Variants in CBLL1 observed in about 807,000 individuals in gnomAD.
CBLL1 encodes the protein E3 ubiquitin-protein ligase Hakai.
Under a neutral mutation model 44.9 loss-of-function variants are expected in CBLL1, and 4 were observed. The observed-to-expected ratio is 0.09, with a 90% CI of 0.04 to 0.20. CBLL1 has a LOEUF of 0.20. CBLL1 is among the 10% of genes least tolerant of loss of function. The pLI is 1.00. For synonymous variants in CBLL1, 235 were observed against 202.2 expected, an observed-to-expected ratio of 1.16 and a Z score of -1.38; for missense variants, 569 against 636.7, an observed-to-expected ratio of 0.89 and a Z score of 1.14.
Position 107,758,045 on chromosome 7 carries a change from T to C in CBLL1, c.441-98T>C, listed in dbSNP as rs1793606942. 1 of 1,079,720 alleles carries C rather than the reference T, an allele frequency of 9.3e-7. No homozygotes were observed. Among genetic ancestry groups the C allele is most frequent in the South Asian group, 1.7e-5 (1 of 59,652 alleles). The allele number at this position is 1,079,720 out of a possible 1,614,324, so 66.9% of individuals were successfully genotyped here. On this transcript the variant is annotated intron_variant, in intron 5 of 5. Transcript: ENST00000440859. The surrounding 1 kb of genome is among the most constrained non-coding windows in gnomAD (Gnocchi z 4.2). ...AATTGTGGACTTTTGCTATGTTTTA[T>C]GTAACAGTCAAATTTTAAAAACAAG...
Position 107,758,213 on chromosome 7 carries a change from G to T in CBLL1, c.511G>T (p.Gly171Trp). The change falls in exon 6 of 6, where the codon GGG (glycine) becomes TGG (tryptophan). Residue 171 changes from glycine to tryptophan, a missense_variant. Physicochemically the swap from Gly to Trp is radical, Grantham distance 184 (BLOSUM62 -2). Around this residue, in one of 5 missense-constraint regions of CBLL1, gnomAD observed 16 missense variants for 40.2 expected, o/e 0.40. Transcript: ENST00000440859. This position sits in a 1 kb window ranked among gnomAD's most constrained non-coding sequence, Gnocchi z 4.2. The part of the protein sequence containing the change: ...GSLFMCSIVQ[G>W]CKRTYLSQRD... Reference sequence around the variant, plus strand: ...TCTCTTCATGTGTAGCATTGTTCAAGGGTGCAAGAGAACATATTTGTCTCA... The same window carrying T: ...TCTCTTCATGTGTAGCATTGTTCAATGGTGCAAGAGAACATATTTGTCTCA... 1 of 1,614,056 alleles carries T rather than the reference G, an allele frequency of 6.2e-7. No individual in the cohort carries two copies. The highest frequency in any genetic ancestry group is 8.5e-7 in the Non-Finnish European group (1 of 1,180,000).
intron 5 of CBLL1, among the ~76,000 whole-genome samples, chr7:107,756,282 A>ATT (rs552644492): frequency 6.4e-4 from 97 of 152,294 alleles, no homozygotes; most frequent in African/African-American, 2.2e-3. Flanking sequence ...GTATTGATTG[A>ATT]TAACAAAGCT....
chr7:107,751,444 C>A (rs539620938), intron 2 of CBLL1, among the ~76,000 whole-genome samples: 1 of 152,150 alleles, frequency 6.6e-6, no homozygotes, highest in African/African-American at 2.4e-5. Flanking sequence ...CTGTTCTATT[C>A]CAGCAATTTG....
rs540316115 is a variant in CBLL1, at chr7:107,760,183, G to T, written c.*1005G>T. The T allele has an allele frequency of 2.0e-5, 3 of 152,176 alleles. No individual in the cohort carries two copies. Among genetic ancestry groups the T allele is most frequent in the Non-Finnish European group, 4.4e-5 (3 of 67,976 alleles). The allele number at this position is 152,176 out of a possible 1,614,324, so 9.4% of individuals were successfully genotyped here. ...AGAGTTTGATGCTGTGTTTAAGTGG[G>T]TTCTTGTTTATAGGATTTTCAACTA... On this transcript the variant is annotated 3_prime_UTR_variant, in exon 6 of 6. Coordinates refer to ENST00000440859, the MANE Select transcript of CBLL1 (RefSeq NM_024814.4).
intron 2 of CBLL1, chr7:107,749,442 C>T (rs1262110031): frequency 6.6e-6 from 1 of 152,190 alleles, no homozygotes; most frequent in Non-Finnish European, 1.5e-5. Context: ...TACAGATGTA[C>T]CTCATTAAAA....
At chr7:107,749,131 C>CT (rs779498911) in intron 2 of CBLL1, 84 bp downstream of exon 2, 6 of 1,214,228 alleles carry the variant, frequency 4.9e-6, no homozygotes, top group Non-Finnish European at 5.8e-6. Context: ...ATAGCTACCT[C>CT]TTTTTGTCTT....
intron 5 of CBLL1, 120 bp downstream of exon 5, chr7:107,755,611 G>A: frequency 4.1e-6 from 2 of 489,304 alleles, no homozygotes. Flanking sequence ...TACAGACATG[G>A]CTAATCTTTT....
Position 107,758,399 on chromosome 7 carries a change from C to G in CBLL1, c.697C>G (p.Pro233Ala). 6.2e-7 allele frequency: 1 copy of G among 1,614,112 alleles called. No homozygotes were observed. The highest frequency in any genetic ancestry group is 8.5e-7 in the Non-Finnish European group (1 of 1,179,996). Residue 233 changes from proline (P) to alanine (A), a missense_variant, in exon 6 of 6, where the codon CCG becomes GCG. This residue lies in a region of CBLL1 where 111 missense variants were observed against 113.0 expected (regional missense o/e 0.98). Transcript: ENST00000440859. This position sits in a 1 kb window ranked among gnomAD's most constrained non-coding sequence, Gnocchi z 4.2. Reference protein sequence around the residue: ...PPDKHHMSHIPPKQHIMMPPP... With the variant: ...PPDKHHMSHIAPKQHIMMPPP... ...AGACAAGCACCATATGAGCCATATT[C>G]CGCCAAAGCAGCACATCATGATGCC...
intron 1 of CBLL1, chr7:107,744,974 C>G (rs1584367874): frequency 6.6e-6 from 1 of 152,094 alleles, no homozygotes. Flanking sequence ...GAAAAAAAGG[C>G]TTTTTCTTGA....
At chr7:107,753,807 A>G (rs1191913554) in intron 3 of CBLL1, 88 bp from the exon 4 acceptor site, 1 of 805,076 alleles carries the variant, frequency 1.2e-6, no homozygotes. Flanking sequence ...TGTTTTAACA[A>G]CTTTTATAAA....
At chr7:107,746,059 G>A (rs939901904) in intron 1 of CBLL1, among the ~76,000 whole-genome samples, 2 of 152,160 alleles carry the variant, frequency 1.3e-5, no homozygotes, top group Admixed American at 6.5e-5. Flanking sequence ...GGAGAAGCCG[G>A]CCTAGAACGA....
chr7:107,750,788 A>T (rs1214323477), intron 2 of CBLL1, among the ~76,000 whole-genome samples: 4 of 152,204 alleles, frequency 2.6e-5, no homozygotes, highest in African/African-American at 9.7e-5. Flanking sequence ...TTATTGGAAC[A>T]CAGCTATGCT....
intron 1 of CBLL1, 176 bp downstream of exon 1, chr7:107,744,352 A>G (rs1792893306): frequency 2.6e-6 from 2 of 770,070 alleles, no homozygotes; most frequent in Non-Finnish European, 1.9e-6. Flanking sequence ...TTCCTGGCCT[A>G]CCGTCTGGTG....
intron 1 of CBLL1, 133 bp downstream of exon 1, chr7:107,744,309 G>C: frequency 8.8e-7 from 1 of 1,142,486 alleles, no homozygotes; most frequent in Non-Finnish European, 1.2e-6. Context: ...AAATCTCACA[G>C]ATGCCTTCCT....
At chr7:107,750,048 G>A (rs1793214594) in intron 2 of CBLL1, among the ~76,000 whole-genome samples, 1 of 151,928 alleles carries the variant, frequency 6.6e-6, no homozygotes, top group African/African-American at 2.4e-5. Flanking sequence ...AGGCTCAAGT[G>A]ATCTTTCCAC....
rs1210081283 is a variant in CBLL1 at position 107,753,992 on chromosome 7, A to T, written c.366+14A>T. On this transcript the variant is annotated intron_variant, in intron 4 of 5. Transcript: ENST00000440859. ...TATGGGAGAATGGTAAGTATAATTA[A>T]ATATTGTTTTTGTAAGTAAGCATTT... 1.3e-6 allele frequency: 2 copies of T among 1,504,110 alleles called. No homozygotes were observed. The highest frequency in any genetic ancestry group is 2.4e-5 in the South Asian group (2 of 82,520). 93.2% of individuals were successfully genotyped at this position (1,504,110 alleles called of 1,614,324 possible).
At chr7:107,751,895 T>C (rs1793308717) in intron 2 of CBLL1, among the ~76,000 whole-genome samples, 1 of 152,186 alleles carries the variant, frequency 6.6e-6, no homozygotes, top group African/African-American at 2.4e-5. Context: ...TCAATAATTT[T>C]CTGGTTTGAA....
chr7:107,756,844 T>C (rs1793548805), intron 5 of CBLL1, among the ~76,000 whole-genome samples: 1 of 152,178 alleles, frequency 6.6e-6, no homozygotes, highest in African/African-American at 2.4e-5. Flanking sequence ...GTAGCAATTT[T>C]AGGACAGAAG....
intron 1 of CBLL1, among the ~76,000 whole-genome samples, chr7:107,747,951 C>A (rs1260185447): frequency 6.6e-6 from 1 of 152,050 alleles, no homozygotes; most frequent in Non-Finnish European, 1.5e-5. Flanking sequence ...TTAAAAAATA[C>A]GTTATTTGTA....
Sources: allele counts gnomAD v4.1 joint callset (sites outside exome capture counted in the v4.1 genomes callset), GRCh38; gene constraint gnomAD v4.1.1; regional missense constraint gnomAD v4.1.1; non-coding constraint Gnocchi (gnomAD v3.1); transcripts MANE v1.5; gene names NCBI Gene and HGNC (gene_info 2026-07-23, HGNC 2026-07-21).